Variants in SBF2 observed in about 807,000 individuals in gnomAD.
The protein encoded by SBF2 is myotubularin-related protein 13.
SBF2 carries 112 observed loss-of-function variants against 225.2 expected under a neutral mutation model. The observed-to-expected ratio is 0.50, with a 90% confidence interval of 0.43 to 0.58. The LOEUF is 0.58. Among genes scored for constraint, SBF2 ranks in the 20% least tolerant of loss-of-function variants. The pLI is 0.00. For synonymous variants in SBF2, 763 were observed against 773.3 expected, an observed-to-expected ratio of 0.99 and a Z score of 0.22; for missense variants, 1,996 against 2,206.2, an observed-to-expected ratio of 0.90 and a Z score of 1.91.
chr11:10,124,916 C>T (rs1320487922), intron 2 of SBF2, among the ~76,000 whole-genome samples: 1 of 151,844 alleles, frequency 6.6e-6, no homozygotes, highest in Non-Finnish European at 1.5e-5. Flanking sequence ...ACCAGCCTGA[C>T]CAACATGGCA....
At chr11:10,167,120 C>A (rs1353444338) in intron 2 of SBF2, among the ~76,000 whole-genome samples, 3 of 152,186 alleles carry the variant, frequency 2.0e-5, no homozygotes, top group Non-Finnish European at 4.4e-5. Context: ...TATTTCCCTA[C>A]TCTTTTCTCT....
intron 16 of SBF2, chr11:9,959,829 G>A (rs151046455): frequency 1.6e-4 from 92 of 569,440 alleles, no homozygotes; most frequent in African/African-American, 1.3e-3. Flanking sequence ...GTAGGTAAAG[G>A]TAGGCTGCGA....
At chr11:9,794,709 A>AAAAAAC (rs1853003785) in intron 33 of SBF2, among the ~76,000 whole-genome samples, 1 of 144,980 alleles carries the variant, frequency 6.9e-6, no homozygotes, top group Non-Finnish European at 1.5e-5. Context: ...AAAAAAAAAG[A>AAAAAAC]CCAGGCCTGG....
At chr11:10,198,327 A>C (rs1393169876) in intron 1 of SBF2, among the ~76,000 whole-genome samples, 1 of 152,204 alleles carries the variant, frequency 6.6e-6, no homozygotes, top group Non-Finnish European at 1.5e-5. Context: ...CAGAGCTCTT[A>C]TGTTACCAGG....
chr11:9,801,379 C>T (rs1287121474), intron 32 of SBF2, among the ~76,000 whole-genome samples: 1 of 151,072 alleles, frequency 6.6e-6, no homozygotes, highest in Admixed American at 6.6e-5. Context: ...TTTTTTTTTG[C>T]CCATGTGCCA....
intron 2 of SBF2, among the ~76,000 whole-genome samples, chr11:10,166,830 C>T (rs1460524752): frequency 1.3e-5 from 2 of 151,926 alleles, no homozygotes; most frequent in African/African-American, 2.4e-5. Flanking sequence ...GGTATAGTGG[C>T]GCATGCCTGT....
chr11:10,101,679 GTGTGTGTGT>G (rs1329665542), intron 2 of SBF2, among the ~76,000 whole-genome samples: 6 of 151,834 alleles, frequency 4.0e-5, no homozygotes, highest in African/African-American at 1.5e-4. Context: ...GTGTGTGTGT[GTGTGTGTGT>G]GTGTACATGG....
In SBF2 at chr11:10,120,258, T is replaced by C. The variant is rs766371161; in HGVS notation, c.141+73644A>G. Among the ~76,000 whole-genome samples the C allele has an allele frequency of 1.7e-4, 26 of 152,316 alleles. No individual in the cohort carries two copies. The Middle Eastern group carries it at 0.014, about 80-fold the overall frequency. Reference sequence around the variant, plus strand: ...GGTTTATCCATGTTATAGCATGTAATAGGATTTTCTTCTTTTTTAAGGCTG... The same window carrying C: ...GGTTTATCCATGTTATAGCATGTAACAGGATTTTCTTCTTTTTTAAGGCTG... On this transcript the variant is annotated intron_variant, in intron 2 of 39. Coordinates refer to ENST00000256190, the MANE Select transcript of SBF2 (RefSeq NM_030962.4).
intron 2 of SBF2, chr11:10,044,637 A>G (rs1949783897): frequency 1.8e-5 from 3 of 168,176 alleles, no homozygotes; most frequent in East Asian, 3.6e-4. Flanking sequence ...TTCCTCTTCA[A>G]AGGGTTTAAT....
chr11:10,253,987 G>T (rs1309059621), intron 1 of SBF2, among the ~76,000 whole-genome samples: 1 of 152,158 alleles, frequency 6.6e-6, no homozygotes, highest in Non-Finnish European at 1.5e-5. Flanking sequence ...ATAAAAAATA[G>T]CAAGTGTTGG....
At chr11:10,185,475 T>C (rs1235743218) in intron 2 of SBF2, among the ~76,000 whole-genome samples, 1 of 152,134 alleles carries the variant, frequency 6.6e-6, no homozygotes, top group Non-Finnish European at 1.5e-5. Context: ...TTTTTTAGAG[T>C]TGGAATCTCA....
In SBF2 at chr11:9,791,878, T is replaced by C. The variant is rs149095384; in HGVS notation, c.4571-1195A>G. On this transcript the variant is annotated intron_variant, in intron 33 of 39. Coordinates refer to ENST00000256190, the MANE Select transcript of SBF2 (RefSeq NM_030962.4). ...AAACCAGAAGAGGAGATGCAATACA[T>C]GGCCCTCTGTTCCTTAGGGCTGTTG... 3.3e-3 allele frequency among the ~76,000 whole-genome samples: 503 copies of C among 152,330 alleles called. 3 individuals are homozygous for C. Among genetic ancestry groups the C allele is most frequent in the South Asian group, 4.6e-3 (22 of 4,822 alleles).
intron 2 of SBF2, among the ~76,000 whole-genome samples, chr11:10,174,154 G>T (rs1158142835): frequency 2.0e-5 from 3 of 152,100 alleles, no homozygotes; most frequent in African/African-American, 7.2e-5. Flanking sequence ...GAACAAAGCT[G>T]GACGGAGAAT....
rs753060465 is a variant in SBF2, at chr11:9,968,453, A to G, written c.1488T>C (p.Ile496=). The G allele has an allele frequency of 1.9e-6, 3 of 1,614,018 alleles. No homozygotes were observed. The highest frequency in any genetic ancestry group is 1.6e-4 in the Middle Eastern group (1 of 6,062). ...LRVHILPFPE[I]NEARVQELIQ... ...TTAATTCCTGAACCCGGGCTTCATT[A>G]ATCTCTGGGAAAGGAAGAATATGAA... Residue 496 remains isoleucine (I), a synonymous_variant, in exon 14 of 40, where the codon ATT becomes ATC. Coordinates refer to ENST00000256190, the MANE Select transcript of SBF2 (RefSeq NM_030962.4).
intron 2 of SBF2, among the ~76,000 whole-genome samples, chr11:10,073,266 T>C (rs1196076673): frequency 6.6e-6 from 1 of 152,196 alleles, no homozygotes; most frequent in East Asian, 1.9e-4. Context: ...GTGTTTCCTA[T>C]ATCCCTTGTA....
intron 1 of SBF2, among the ~76,000 whole-genome samples, chr11:10,279,694 G>A (rs1228939717): frequency 6.6e-6 from 1 of 152,154 alleles, no homozygotes; most frequent in East Asian, 1.9e-4. Context: ...CTGTCACCCA[G>A]GCTGGGGTGC....
At position 9,940,060 on chromosome 11, in the gene SBF2, T is replaced by C. The variant is rs912225015; in HGVS notation, c.1860+21897A>G. Among the ~76,000 whole-genome samples the C allele has an allele frequency of 3.3e-5, 5 of 152,092 alleles. No homozygotes were observed. In the East Asian group the frequency reaches 5.8e-4, roughly 18 times the overall value. ...CATGCCACATTACTATTAATGATAT[T>C]GTGTCTTTGCAAAGCTGGGTATTGA... On this transcript the variant is annotated intron_variant, in intron 16 of 39. Transcript: ENST00000256190.
chr11:9,814,227 T>G (rs1854341655), intron 29 of SBF2, among the ~76,000 whole-genome samples: 1 of 152,238 alleles, frequency 6.6e-6, no homozygotes, highest in African/African-American at 2.4e-5. Context: ...AAGAATGAAT[T>G]AATTTTCTCA....
At chr11:10,081,683 C>A (rs2134867690) in intron 2 of SBF2, among the ~76,000 whole-genome samples, 1 of 150,860 alleles carries the variant, frequency 6.6e-6, no homozygotes, top group South Asian at 2.1e-4. Flanking sequence ...TCGCTTGAAC[C>A]TGGAAGGCAG....
Sources: allele counts gnomAD v4.1 joint callset (sites outside exome capture counted in the v4.1 genomes callset), GRCh38; gene constraint gnomAD v4.1.1; transcripts MANE v1.5; gene names NCBI Gene and HGNC (gene_info 2026-07-23, HGNC 2026-07-21).